The following GALNT18 variants were observed in gnomAD, a reference collection of about 807,000 sequenced individuals.
GALNT18 encodes the protein GalNAc-transferase 18.
Under a neutral mutation model 69.5 loss-of-function variants are expected in GALNT18, and 44 were observed. That is an observed-to-expected ratio of 0.63 (90% confidence interval 0.50 to 0.81). The LOEUF is 0.81. Among genes scored for constraint, GALNT18 ranks in the 40% least tolerant of loss-of-function variants. The pLI is 0.00. For synonymous variants in GALNT18, 364 were observed against 318.2 expected (o/e 1.14, Z -1.53); for missense variants, 715 against 810.0 (o/e 0.88, Z 1.42).
At chr11:11,568,880 C>T (rs1340628397) in intron 1 of GALNT18, among the ~76,000 whole-genome samples, 1 of 152,210 alleles carries the variant, frequency 6.6e-6, no homozygotes, top group Admixed American at 6.5e-5. Flanking sequence ...ATAACCTCAT[C>T]CCCTGCTTCT....
At chr11:11,447,580 A>C (rs1487571719) in intron 2 of GALNT18, among the ~76,000 whole-genome samples, 1 of 152,186 alleles carries the variant, frequency 6.6e-6, no homozygotes, top group Non-Finnish European at 1.5e-5. Flanking sequence ...AAGGAGGTTC[A>C]ATTGACTCAC....
At chr11:11,557,418 T>C (rs1005737838) in intron 1 of GALNT18, among the ~76,000 whole-genome samples, 3 of 152,146 alleles carry the variant, frequency 2.0e-5, no homozygotes, top group African/African-American at 7.2e-5. Flanking sequence ...TGTCTTAAAT[T>C]ACCTAATTTC....
Position 11,309,056 on chromosome 11 carries a change from G to A in GALNT18, c.1513-15863C>T, listed in dbSNP as rs1424105235. Among the ~76,000 whole-genome samples the A allele has an allele frequency of 6.6e-6, 1 of 152,218 alleles. No homozygotes were observed. Among genetic ancestry groups the A allele is most frequent in the Non-Finnish European group, 1.5e-5 (1 of 68,040 alleles). On this transcript the variant is annotated intron_variant, in intron 9 of 10. Transcript: ENST00000227756. This position sits in a 1 kb window ranked among gnomAD's most constrained non-coding sequence, Gnocchi z 4.6. Reference sequence around the variant, plus strand: ...ATCCTTAATGTGGTGGTGCTGGGAGGTAGGGCCTAATGGAAGGTGTTTGGA... The same window carrying A: ...ATCCTTAATGTGGTGGTGCTGGGAGATAGGGCCTAATGGAAGGTGTTTGGA...
At chr11:11,334,538 G>A (rs921928207) in intron 7 of GALNT18, among the ~76,000 whole-genome samples, 3 of 126,004 alleles carry the variant, frequency 2.4e-5, no homozygotes, top group Non-Finnish European at 3.7e-5. Flanking sequence ...GCAAGACTCC[G>A]TCTCCAAAAA....
In GALNT18 at chr11:11,447,474, G is replaced by T. The variant is rs149594827; in HGVS notation, c.428+1270C>A. Among the ~76,000 whole-genome samples, 42 of 152,280 alleles carry T rather than the reference G, an allele frequency of 2.8e-4. 1 individual carries two copies. The East Asian group carries it at 7.9e-3, about 29-fold the overall frequency. ...CTAGAATGCCAGCTCTGTGAAGCAG[G>T]GGTTTCTGTATGTTTTGTTCACTGC... On this transcript the variant is annotated intron_variant, in intron 2 of 10. Coordinates refer to ENST00000227756, the MANE Select transcript of GALNT18 (RefSeq NM_198516.3).
Position 11,619,941 on chromosome 11 carries a change from G to A in GALNT18, c.235+1418C>T, listed in dbSNP as rs929520150. On this transcript the variant is annotated intron_variant, in intron 1 of 10. Coordinates refer to ENST00000227756, the MANE Select transcript of GALNT18 (RefSeq NM_198516.3). This position sits in a 1 kb window ranked among gnomAD's most constrained non-coding sequence, Gnocchi z 4.9. Reference sequence around the variant, plus strand: ...TTGTTTTGAAGTCATTAGTCAGGAAGCACTATGGATGTGGATGCCTCTCCT... The same window carrying A: ...TTGTTTTGAAGTCATTAGTCAGGAAACACTATGGATGTGGATGCCTCTCCT... Among the ~76,000 whole-genome samples the A allele has an allele frequency of 7.9e-5, 12 of 152,126 alleles. No individual in the cohort carries two copies. The highest frequency in any genetic ancestry group is 6.5e-5 in the Admixed American group (1 of 15,276).
chr11:11,299,061 C>T (rs191362329), intron 9 of GALNT18, among the ~76,000 whole-genome samples: 9 of 152,216 alleles, frequency 5.9e-5, no homozygotes, highest in Admixed American at 1.3e-4. Flanking sequence ...AAGTGGTGTT[C>T]GGTTGTATAA....
At position 11,309,581 on chromosome 11, in the gene GALNT18, C is replaced by T. The variant is rs912146105; in HGVS notation, c.1513-16388G>A. 2.0e-5 allele frequency among the ~76,000 whole-genome samples: 3 copies of T among 152,144 alleles called. No homozygotes were observed. Among genetic ancestry groups the T allele is most frequent in the African/African-American group, 4.8e-5 (2 of 41,420 alleles). ...ACCTCTATAGCCTTGTTCACCTTCTCCACACCTGTTCCCTGGAGGCTAGCA... is the reference window on the plus strand; with the variant it reads ...ACCTCTATAGCCTTGTTCACCTTCTTCACACCTGTTCCCTGGAGGCTAGCA... On this transcript the variant is annotated intron_variant, in intron 9 of 10. Transcript: ENST00000227756. The surrounding 1 kb of genome is among the most constrained non-coding windows in gnomAD (Gnocchi z 4.6).
At position 11,621,675 on chromosome 11, in the gene GALNT18, A is replaced by G. The variant is rs1325235825; in HGVS notation, c.-82T>C. The G allele has an allele frequency of 2.8e-6, 3 of 1,067,296 alleles. No homozygotes were observed. The highest frequency in any genetic ancestry group is 4.1e-6 in the Non-Finnish European group (3 of 726,924). 66.1% of individuals were successfully genotyped at this position (1,067,296 alleles called of 1,614,324 possible). ...GAACTCCCCCGCGCTCGCACCCCGT[A>G]GCACGTCCGGAGCCGCTGGGCACCT... On this transcript the variant is annotated 5_prime_UTR_variant, in exon 1 of 11. Transcript: ENST00000227756. The surrounding 1 kb of genome is among the most constrained non-coding windows in gnomAD (Gnocchi z 9.3).
intron 1 of GALNT18, among the ~76,000 whole-genome samples, chr11:11,474,479 C>G (rs544241742): frequency 1.2e-3 from 188 of 152,090 alleles, no homozygotes; most frequent in African/African-American, 4.4e-3. Flanking sequence ...GGGTTTTCAG[C>G]AAAAGAGGAA....
chr11:11,287,824 G>T (rs957089681), intron 10 of GALNT18, among the ~76,000 whole-genome samples: 1 of 152,084 alleles, frequency 6.6e-6, no homozygotes, highest in African/African-American at 2.4e-5. Flanking sequence ...AGGCAATTCT[G>T]CCTGCCCACC....
At chr11:11,440,319 C>T (rs1421902223) in intron 2 of GALNT18, among the ~76,000 whole-genome samples, 1 of 152,156 alleles carries the variant, frequency 6.6e-6, no homozygotes, top group Non-Finnish European at 1.5e-5. Context: ...AATGAACAGC[C>T]ACCCAGGGAA....
intron 1 of GALNT18, among the ~76,000 whole-genome samples, chr11:11,615,406 C>A (rs1170356943): frequency 6.6e-6 from 1 of 152,132 alleles, no homozygotes; most frequent in Non-Finnish European, 1.5e-5. Context: ...GTTAATAACC[C>A]ATTTCTCCAT....
rs1565038764 is a variant in GALNT18, at chr11:11,606,852, A to G, written c.235+14507T>C. 6.6e-6 allele frequency among the ~76,000 whole-genome samples: 1 copy of G among 152,196 alleles called. No homozygotes were observed. Among genetic ancestry groups the G allele is most frequent in the African/African-American group, 2.4e-5 (1 of 41,452 alleles). ...CTCCAGGACCCAGTAGAGGCTCCTCAGGGTAGTCCTCAAGTTGCATTGGGT... is the reference window on the plus strand; with the variant it reads ...CTCCAGGACCCAGTAGAGGCTCCTCGGGGTAGTCCTCAAGTTGCATTGGGT... On this transcript the variant is annotated intron_variant, in intron 1 of 10. Coordinates refer to ENST00000227756, the MANE Select transcript of GALNT18 (RefSeq NM_198516.3). The surrounding 1 kb of genome is among the most constrained non-coding windows in gnomAD (Gnocchi z 5.4).
intron 3 of GALNT18, among the ~76,000 whole-genome samples, chr11:11,419,400 C>A (rs1854941286): frequency 6.6e-6 from 1 of 151,734 alleles, no homozygotes; most frequent in Non-Finnish European, 1.5e-5. Context: ...AGTTCAAGAC[C>A]AGCCTGGCCA....
chr11:11,462,391 C>A (rs1856064750), intron 1 of GALNT18, among the ~76,000 whole-genome samples: 1 of 152,044 alleles, frequency 6.6e-6, no homozygotes, highest in Non-Finnish European at 1.5e-5. Context: ...ATCCTCCCAC[C>A]TCAGCCTCCC....
chr11:11,288,496 TCATTCGGTTC>T (rs1221017946), intron 10 of GALNT18, among the ~76,000 whole-genome samples: 1 of 152,214 alleles, frequency 6.6e-6, no homozygotes, highest in African/African-American at 2.4e-5. Flanking sequence ...TCTGTTCTCA[TCATTCGGTTC>T]CATTGTGTTT....
At chr11:11,334,885 T>A (rs1275699651) in intron 7 of GALNT18, among the ~76,000 whole-genome samples, 1 of 152,222 alleles carries the variant, frequency 6.6e-6, no homozygotes, top group African/African-American at 2.4e-5. Context: ...AAAATATTTA[T>A]GAAGTGGTGA....
At chr11:11,279,345 TAAA>T (rs200938135) in intron 10 of GALNT18, among the ~76,000 whole-genome samples, 1 of 151,704 alleles carries the variant, frequency 6.6e-6, no homozygotes, top group African/African-American at 2.4e-5. Context: ...AATTTAAGAC[TAAA>T]AAAAAACTTC....
Sources: gnomAD v4.1 joint callset for allele counts (sites outside exome capture counted in the v4.1 genomes callset) on GRCh38, gnomAD v4.1.1 for gene constraint, Gnocchi (gnomAD v3.1) non-coding constraint, MANE v1.5 for transcripts, NCBI Gene and HGNC (gene_info 2026-07-23, HGNC 2026-07-21) for gene names.